The following ZNF469 variants were observed in gnomAD, a reference collection of about 807,000 sequenced individuals.
The protein encoded by ZNF469 is zinc finger protein 469.
A neutral mutation model predicts 1.0 loss-of-function variants in ZNF469; 1 was observed. The ratio of observed to expected loss-of-function variants is 1.00; its 90% CI spans 0.35 to 4.73. The LOEUF (loss-of-function observed/expected upper bound fraction) is 4.73. ZNF469 is among the 30% of genes most tolerant of loss of function. The pLI is 0.16. For missense variants in ZNF469, 6,100 were observed against 5,356.3 expected (o/e 1.14, Z -4.33); for synonymous variants, 2,703 against 2,363.4 (o/e 1.14, Z -4.17).
At chr16:88,312,168 GA>G in the ZNF469 span, among the ~76,000 whole-genome samples, 7,215 of 152,182 alleles carry the variant, frequency 0.047, 318 homozygotes, top group East Asian at 0.17. Context: ...CAGTATGGGG[GA>G]AACCACCCCC....
At chr16:88,419,761 G>A (rs766142672) in intron 1 of ZNF469, among the ~76,000 whole-genome samples, 9 of 152,216 alleles carry the variant, frequency 5.9e-5, no homozygotes, top group Admixed American at 2.0e-4. Flanking sequence ...GCCAAGCCTC[G>A]GCTGAAGAGT....
chr16:88,140,536 G>A, the ZNF469 span, among the ~76,000 whole-genome samples: 373 of 152,114 alleles, frequency 2.5e-3, 6 homozygotes, highest in African/African-American at 8.5e-3. Context: ...GATGTTCAAA[G>A]ATCCTGCAGA....
At chr16:88,418,202 A>G (rs1905355172) in intron 1 of ZNF469, among the ~76,000 whole-genome samples, 1 of 152,354 alleles carries the variant, frequency 6.6e-6, no homozygotes, top group Admixed American at 6.5e-5. Context: ...GACAGGGGAC[A>G]GTACAGCAGC....
At position 88,413,272 on chromosome 16, in the gene ZNF469, C is replaced by G. The variant is rs561182000; in HGVS notation, c.-191-11535C>G. On this transcript the variant is annotated intron_variant, in intron 1 of 2. Transcript: ENST00000565624. Reference sequence around the variant, plus strand: ...GGAAATGGCTGGGTGCTGAGGCTGGCGGCCTGGGCAGTGACACTCCAGGAC... The same window carrying G: ...GGAAATGGCTGGGTGCTGAGGCTGGGGGCCTGGGCAGTGACACTCCAGGAC... Among the ~76,000 whole-genome samples the G allele has an allele frequency of 1.7e-3, 264 of 152,322 alleles. 2 individuals are homozygous for G. Among genetic ancestry groups the G allele is most frequent in the African/African-American group, 6.1e-3 (255 of 41,576 alleles).
the ZNF469 span, among the ~76,000 whole-genome samples, chr16:88,314,176 G>A: frequency 1.5e-5 from 2 of 129,240 alleles, no homozygotes; most frequent in South Asian, 5.8e-4. Flanking sequence ...GTGCTGGTGT[G>A]GACTGTCATC....
rs552510121 is a variant in ZNF469, at chr16:88,438,211, G to C, written c.10741G>C (p.Glu3581Gln). ...LDGALERPEN[E>Q]ASPGSPGPLL... ...CGGAGCCCTGGAGAGGCCAGAGAAC[G>C]AGGCTTCCCCAGGCAGCCCCGGGCC... The change falls in exon 3 of 3, where the codon GAG (glutamate) becomes CAG (glutamine). Residue 3581 changes from glutamate (E) to glutamine (Q), a missense_variant. Glu to Gln is a conservative substitution (Grantham distance 29, BLOSUM62 2). Transcript: ENST00000565624. 1.3e-6 allele frequency: 2 copies of C among 1,546,866 alleles called. No homozygotes were observed. The highest frequency in any genetic ancestry group is 2.4e-5 in the East Asian group (1 of 40,826).
In ZNF469 at chr16:88,436,426, G is replaced by T. The variant is rs1490082495; in HGVS notation, c.8956G>T (p.Ala2986Ser). The change falls in exon 3 of 3, where the codon GCC (alanine) becomes TCC (serine). Residue 2986 changes from alanine (A) to serine (S), a missense_variant. Coordinates refer to ENST00000565624, the MANE Select transcript of ZNF469 (RefSeq NM_001367624.2). ...SHCPEDDRPE[A>S]IPELHMVPAA... Reference sequence around the variant, plus strand: ...CTGCCCCGAGGACGATCGGCCGGAGGCCATTCCTGAGCTGCACATGGTCCC... The same window carrying T: ...CTGCCCCGAGGACGATCGGCCGGAGTCCATTCCTGAGCTGCACATGGTCCC... The T allele has an allele frequency of 6.5e-7, 1 of 1,548,720 alleles. No individual in the cohort carries two copies. The highest frequency in any genetic ancestry group is 8.7e-7 in the Non-Finnish European group (1 of 1,146,954).
chr16:88,376,212 C>G, the ZNF469 span, among the ~76,000 whole-genome samples: 1 of 152,262 alleles, frequency 6.6e-6, no homozygotes, highest in African/African-American at 2.4e-5. Context: ...GCGCCTTTTA[C>G]TGTGGGCCTT....
chr16:88,183,635 G>A, the ZNF469 span, among the ~76,000 whole-genome samples: 1 of 152,216 alleles, frequency 6.6e-6, no homozygotes, highest in African/African-American at 2.4e-5. Context: ...GGGCCTGACT[G>A]CAGAGGGGCA....
chr16:88,298,339 G>A, the ZNF469 span, among the ~76,000 whole-genome samples: 1 of 152,186 alleles, frequency 6.6e-6, no homozygotes, highest in African/African-American at 2.4e-5. Flanking sequence ...GCCTCGAGGA[G>A]CTGTGCACAA....
the ZNF469 span, among the ~76,000 whole-genome samples, chr16:88,131,445 GT>G: frequency 7.0e-6 from 1 of 141,964 alleles, no homozygotes; most frequent in Admixed American, 6.9e-5. Context: ...CCCGGGGCCT[GT>G]TTGTTAGAAC....
chr16:88,164,015 A>G, the ZNF469 span, among the ~76,000 whole-genome samples: 1 of 147,742 alleles, frequency 6.8e-6, no homozygotes, highest in African/African-American at 2.5e-5. Context: ...ATGGATGGGT[A>G]GATGGATGAA....
chr16:88,406,923 G>C (rs181774309), intron 1 of ZNF469, among the ~76,000 whole-genome samples: 1 of 152,280 alleles, frequency 6.6e-6, no homozygotes, highest in East Asian at 1.9e-4. Flanking sequence ...GTCACTCAGT[G>C]CCTCGTGGGT....
At chr16:88,399,624 A>G (rs1904797651) in intron 1 of ZNF469, among the ~76,000 whole-genome samples, 1 of 152,210 alleles carries the variant, frequency 6.6e-6, no homozygotes, top group African/African-American at 2.4e-5. Context: ...CAGCTGCTCA[A>G]AATCACCTAA....
the ZNF469 span, among the ~76,000 whole-genome samples, chr16:88,185,940 A>G: frequency 8.6e-5 from 13 of 150,824 alleles, no homozygotes; most frequent in Admixed American, 5.4e-4. Flanking sequence ...ACATGTGAAT[A>G]TAGTACATGC....
the ZNF469 span, among the ~76,000 whole-genome samples, chr16:88,198,106 C>T: frequency 2.6e-5 from 4 of 152,244 alleles, no homozygotes; most frequent in Non-Finnish European, 5.9e-5. Context: ...AAAACTGTCT[C>T]CTGAGTACCT....
chr16:88,221,659 C>T, the ZNF469 span, among the ~76,000 whole-genome samples: 1 of 152,246 alleles, frequency 6.6e-6, no homozygotes, highest in African/African-American at 2.4e-5. Context: ...CCCAGGGGTC[C>T]TGTAACAGAG....
chr16:88,438,420 GTCC>G lies in ZNF469; in HGVS notation c.10953_10955del (p.Ser3653del). The G allele has an allele frequency of 1.3e-6, 2 of 1,550,142 alleles. No individual in the cohort carries two copies. The highest frequency in any genetic ancestry group is 1.7e-4 in the Middle Eastern group (1 of 5,990). ...ACCTACTTCAGAAAGAGAAGGAGGT[GTCC>G]TCAAGCCACATGGTGTCTGAGGGGG... On this transcript the variant is annotated inframe_deletion, in exon 3 of 3. Transcript: ENST00000565624.
Position 88,435,521 on chromosome 16 carries a change from G to A in ZNF469, c.8051G>A (p.Gly2684Glu), listed in dbSNP as rs1244410744. 2.5e-5 allele frequency: 38 copies of A among 1,549,310 alleles called. No individual in the cohort carries two copies. The highest frequency in any genetic ancestry group is 4.9e-5 in the East Asian group (2 of 40,934). ...AGCCACTGCCTCTCTGTGGAAGGAG[G>A]GCCTGAGGCTGACGGGGAGCAGCCG... is the stretch of plus-strand genomic sequence containing the variant. ...SPSHCLSVEG[G>E]PEADGEQPPR... The change falls in exon 3 of 3, where the codon GGG becomes GAG. Residue 2684 changes from glycine (G) to glutamate (E), a missense_variant. By Grantham distance (98) the Gly-to-Glu change is moderately conservative. Coordinates refer to ENST00000565624, the MANE Select transcript of ZNF469 (RefSeq NM_001367624.2).
Sources: allele counts gnomAD v4.1 joint callset (sites outside exome capture counted in the v4.1 genomes callset), GRCh38; gene constraint gnomAD v4.1.1; transcripts MANE v1.5; gene names NCBI Gene and HGNC (gene_info 2026-07-23, HGNC 2026-07-21).